The following GREB1L variants were observed in gnomAD, a reference collection of about 807,000 sequenced individuals.
The protein encoded by GREB1L is GREB1-like protein.
Under a neutral mutation model 200.8 loss-of-function variants are expected in GREB1L, and 17 were observed. The observed-to-expected ratio is 0.08, with a 90% CI of 0.06 to 0.13. GREB1L has a LOEUF of 0.13. GREB1L is among the 10% of genes least tolerant of loss of function. The probability of loss-of-function intolerance (pLI) is 1.00; values close to 1 mark genes in which losing one functional copy is unlikely to be tolerated. For synonymous variants in GREB1L, 789 were observed against 893.0 expected (o/e 0.88, Z 2.08); for missense variants, 1,657 against 2,367.7 (o/e 0.70, Z 6.23).
intron 7 of GREB1L, among the ~76,000 whole-genome samples, chr18:21,410,566 A>T (rs1274084249): frequency 6.6e-6 from 1 of 151,752 alleles, no homozygotes; most frequent in East Asian, 1.9e-4. Context: ...GAGGCAGGAG[A>T]ATTGCTTGAA....
chr18:21,491,564 T>A (rs989011631), intron 19 of GREB1L, among the ~76,000 whole-genome samples: 1 of 151,598 alleles, frequency 6.6e-6, no homozygotes, highest in African/African-American at 2.4e-5. Context: ...AAAAAAAAAA[T>A]TAGCCAGGTG....
intron 1 of GREB1L, among the ~76,000 whole-genome samples, chr18:21,243,560 G>T (rs905236376): frequency 6.6e-6 from 1 of 152,176 alleles, no homozygotes; most frequent in African/African-American, 2.4e-5. Flanking sequence ...TTTAAATACA[G>T]GGAAGAGCTT....
intron 1 of GREB1L, among the ~76,000 whole-genome samples, chr18:21,249,634 C>T (rs1242158456): frequency 6.6e-6 from 1 of 151,984 alleles, no homozygotes; most frequent in African/African-American, 2.4e-5. Context: ...GTCGGTGGAT[C>T]ACCTGAGGTC....
chr18:21,247,042 T>C (rs1394983430), intron 1 of GREB1L, among the ~76,000 whole-genome samples: 1 of 152,212 alleles, frequency 6.6e-6, no homozygotes, highest in African/African-American at 2.4e-5. Context: ...CCTGATATTT[T>C]TGGCAAATAT....
At chr18:21,456,462 G>A (rs1018911520) in intron 15 of GREB1L, among the ~76,000 whole-genome samples, 20 of 152,166 alleles carry the variant, frequency 1.3e-4, no homozygotes, top group Admixed American at 5.9e-4. Flanking sequence ...CTCCTACTGT[G>A]TACCCACAAA....
chr18:21,291,275 C>A lies in GREB1L; in HGVS notation c.-120+48882C>A, dbSNP rs543346666. 4.3e-4 allele frequency among the ~76,000 whole-genome samples: 65 copies of A among 152,246 alleles called. 2 individuals carry two copies. The South Asian group carries it at 7.9e-3, about 18-fold the overall frequency. On this transcript the variant is annotated intron_variant, in intron 1 of 32. Coordinates refer to ENST00000424526, the MANE Select transcript of GREB1L (RefSeq NM_001142966.3). ...TTTCTTTGCTCACCTGGAGTGCTGT[C>A]CCGCCCTGACTCTCCCCAAACCTGT...
chr18:21,484,715 C>T (rs8085378), intron 17 of GREB1L, among the ~76,000 whole-genome samples: 44,432 of 151,774 alleles, frequency 0.29, 8,629 homozygotes, highest in African/African-American at 0.51. Context: ...CCCAGCCACT[C>T]GGGAGGCTGA....
intron 1 of GREB1L, among the ~76,000 whole-genome samples, chr18:21,247,519 G>T (rs952276149): frequency 1.3e-5 from 2 of 151,986 alleles, no homozygotes; most frequent in East Asian, 3.9e-4. Flanking sequence ...CTGTATTCCC[G>T]TGTTTGCCTA....
intron 1 of GREB1L, among the ~76,000 whole-genome samples, chr18:21,254,061 A>ATTTTTTT (rs547876546): frequency 1.4e-5 from 1 of 70,438 alleles, no homozygotes; most frequent in Admixed American, 1.7e-4. Context: ...TTTCAGGCAT[A>ATTTTTTT]TTTTTTTTTT....
At chr18:21,508,058 TG>T in intron 25 of GREB1L, 59 bp from the exon 26 acceptor site, 2 of 1,484,704 alleles carry the variant, frequency 1.3e-6, no homozygotes, top group Non-Finnish European at 1.8e-6. Context: ...AGGAGTGGCC[TG>T]GAAGTTTGGA....
intron 2 of GREB1L, among the ~76,000 whole-genome samples, chr18:21,375,584 G>A (rs2040040324): frequency 6.6e-6 from 1 of 151,996 alleles, no homozygotes; most frequent in African/African-American, 2.4e-5. Context: ...ACATTACCAA[G>A]CATTCATTTA....
At chr18:21,478,601 C>T (rs763188027) in intron 17 of GREB1L, among the ~76,000 whole-genome samples, 2 of 152,226 alleles carry the variant, frequency 1.3e-5, no homozygotes, top group Non-Finnish European at 2.9e-5. Context: ...GCAGGAAGCT[C>T]AGGTCCTTGA....
At chr18:21,344,261 C>G (rs2039311266) in intron 1 of GREB1L, among the ~76,000 whole-genome samples, 2 of 152,092 alleles carry the variant, frequency 1.3e-5, no homozygotes, top group Non-Finnish European at 2.9e-5. Context: ...ATTAGCCAGG[C>G]TTGGTGGCAG....
At chr18:21,496,788 C>T (rs919231309) in intron 21 of GREB1L, 90 bp downstream of exon 21, 1 of 1,422,268 alleles carries the variant, frequency 7.0e-7, no homozygotes, top group Non-Finnish European at 9.4e-7. Flanking sequence ...TACTGACACC[C>T]CAACGGCCTT....
At position 21,513,882 on chromosome 18, in the gene GREB1L, C is replaced by T. The variant is rs1354707338; in HGVS notation, c.4797C>T (p.Arg1599=). Residue 1599 remains arginine, a synonymous_variant, in exon 28 of 33, where the codon CGC becomes CGT. Coordinates refer to ENST00000424526, the MANE Select transcript of GREB1L (RefSeq NM_001142966.3). ...SYHNLELERN[R]LEELGIKRQC... ...ACAACCTAGAATTGGAGAGAAACCG[C>T]CTGGAGGAGCTAGGCATTAAACGCC... The T allele has an allele frequency of 6.4e-7, 1 of 1,551,506 alleles. No homozygotes were observed. Among genetic ancestry groups the T allele is most frequent in the African/African-American group, 1.4e-5 (1 of 73,034 alleles).
At chr18:21,331,794 G>C (rs968573922) in intron 1 of GREB1L, among the ~76,000 whole-genome samples, 6 of 152,116 alleles carry the variant, frequency 3.9e-5, no homozygotes. Context: ...ACCAAAAATT[G>C]TACAGAAGAT....
intron 1 of GREB1L, among the ~76,000 whole-genome samples, chr18:21,344,706 T>C (rs1341086348): frequency 1.3e-5 from 2 of 152,184 alleles, no homozygotes; most frequent in East Asian, 3.8e-4. Context: ...TTAATACAAC[T>C]TCGTAGGCCA....
intron 1 of GREB1L, among the ~76,000 whole-genome samples, chr18:21,326,254 CA>C (rs748582649): frequency 1.7e-4 from 25 of 147,946 alleles, no homozygotes; most frequent in African/African-American, 4.5e-4. Flanking sequence ...CATGCAAAAA[CA>C]AAAAAAAAGT....
intron 1 of GREB1L, among the ~76,000 whole-genome samples, chr18:21,357,345 C>A (rs1444510583): frequency 6.6e-6 from 1 of 152,260 alleles, no homozygotes; most frequent in Non-Finnish European, 1.5e-5. Flanking sequence ...AGCCTCTGCG[C>A]CCAGCCTACT....
Sources: gnomAD v4.1 joint callset for allele counts (sites outside exome capture counted in the v4.1 genomes callset) on GRCh38, gnomAD v4.1.1 for gene constraint, MANE v1.5 for transcripts, NCBI Gene and HGNC (gene_info 2026-07-23, HGNC 2026-07-21) for gene names.